Variants in OR1F1 observed in about 807,000 individuals in gnomAD.
OR1F1 encodes olfactory receptor family 1 subfamily F member 1.
For synonymous variants in OR1F1, 184 were observed against 156.7 expected (o/e 1.17, Z -1.30); for missense variants, 493 against 376.3 (o/e 1.31, Z -2.57).
the OR1F1 span, among the ~76,000 whole-genome samples, chr16:3,198,318 G>A: frequency 1.3e-5 from 2 of 152,136 alleles, no homozygotes; most frequent in African/African-American, 2.4e-5. Flanking sequence ...CCCAGGAAGA[G>A]CGGGTGTTTT....
At chr16:3,192,803 G>C in the OR1F1 span, among the ~76,000 whole-genome samples, 1 of 152,168 alleles carries the variant, frequency 6.6e-6, no homozygotes, top group African/African-American at 2.4e-5. Flanking sequence ...TGCGGCCCGG[G>C]AGGCTGCTAA....
chr16:3,191,508 T>G, the OR1F1 span, among the ~76,000 whole-genome samples: 3 of 152,170 alleles, frequency 2.0e-5, no homozygotes, highest in Admixed American at 6.5e-5. Context: ...GAAGCCCGGC[T>G]AGCTCAGTCG....
At chr16:3,191,865 G>A in the OR1F1 span, among the ~76,000 whole-genome samples, 4 of 152,254 alleles carry the variant, frequency 2.6e-5, no homozygotes, top group Non-Finnish European at 2.9e-5. Flanking sequence ...GAGGGGCCGG[G>A]GCGCTGGCCC....
the OR1F1 span, among the ~76,000 whole-genome samples, chr16:3,197,318 C>G: frequency 6.6e-6 from 1 of 152,046 alleles, no homozygotes; most frequent in Admixed American, 6.6e-5. Flanking sequence ...TGTGCCCAGC[C>G]CAAAACTAAT....
At chr16:3,194,931 C>T in the OR1F1 span, among the ~76,000 whole-genome samples, 1 of 152,210 alleles carries the variant, frequency 6.6e-6, no homozygotes, top group African/African-American at 2.4e-5. Flanking sequence ...TCTGTGACTT[C>T]TGATAGTGAC....
the OR1F1 span, among the ~76,000 whole-genome samples, chr16:3,188,793 G>A: frequency 6.6e-6 from 1 of 152,244 alleles, no homozygotes; most frequent in Non-Finnish European, 1.5e-5. Context: ...CAGAGTGACA[G>A]TAAAGGGTGC....
chr16:3,203,508 G>T (rs1352134941), upstream of OR1F1, among the ~76,000 whole-genome samples: 1 of 152,226 alleles, frequency 6.6e-6, no homozygotes, highest in Non-Finnish European at 1.5e-5. Context: ...GCTCACGCCT[G>T]TAATCCCAGC....
exon 1 of OR1F1, chr16:3,204,345 C>G: frequency 6.2e-7 from 1 of 1,614,120 alleles, no homozygotes; most frequent in Non-Finnish European, 8.5e-7. Context: ...TCTTCCTCAG[C>G]ATGTACCTGG....
At chr16:3,199,299 C>A (rs751124046), upstream of OR1F1, among the ~76,000 whole-genome samples, 2 of 151,220 alleles carry the variant, frequency 1.3e-5, no homozygotes. Flanking sequence ...GGAGACCCTA[C>A]CTGAAATAAT....
chr16:3,202,771 A>G (rs770462222), upstream of OR1F1, among the ~76,000 whole-genome samples: 8 of 151,842 alleles, frequency 5.3e-5, no homozygotes, highest in African/African-American at 7.2e-5. Context: ...TGATGAGGTT[A>G]AGAGTCACGA....
At chr16:3,200,697 G>A (rs923155571), upstream of OR1F1, among the ~76,000 whole-genome samples, 1 of 152,180 alleles carries the variant, frequency 6.6e-6, no homozygotes, top group African/African-American at 2.4e-5. Context: ...TCTACAGAAG[G>A]GAAAGTACCT....
chr16:3,198,103 AGGAGAG>A, the OR1F1 span, among the ~76,000 whole-genome samples: 1 of 46,262 alleles, frequency 2.2e-5, no homozygotes, highest in South Asian at 8.9e-4. Context: ...GAGAGGGAGA[AGGAGAG>A]GGAGAAGGAG....
the OR1F1 span, among the ~76,000 whole-genome samples, chr16:3,193,330 C>G: frequency 1.3e-5 from 2 of 152,224 alleles, no homozygotes; most frequent in African/African-American, 4.8e-5. Flanking sequence ...GCTTCACCGA[C>G]GCACCCAGCC....
At chr16:3,197,175 A>AT in the OR1F1 span, among the ~76,000 whole-genome samples, 2,806 of 136,080 alleles carry the variant, frequency 0.021, 32 homozygotes, top group East Asian at 0.038. Flanking sequence ...CACACCTGGC[A>AT]TTTTTTTTTT....
At chr16:3,190,829 T>G in the OR1F1 span, among the ~76,000 whole-genome samples, 1 of 150,698 alleles carries the variant, frequency 6.6e-6, no homozygotes, top group African/African-American at 2.4e-5. Context: ...GAAACAAAAT[T>G]GCAAACATTT....
At chr16:3,203,604 A>G (rs910082337), upstream of OR1F1, among the ~76,000 whole-genome samples, 3 of 152,192 alleles carry the variant, frequency 2.0e-5, no homozygotes, top group African/African-American at 7.2e-5. Flanking sequence ...TCTCTACTAA[A>G]AATACAAAAA....
chr16:3,190,499 C>T, the OR1F1 span, among the ~76,000 whole-genome samples: 31 of 152,164 alleles, frequency 2.0e-4, no homozygotes, highest in African/African-American at 7.5e-4. Context: ...GCCTGCAATC[C>T]CAGCACTTTG....
At chr16:3,194,092 G>A in the OR1F1 span, among the ~76,000 whole-genome samples, 1 of 152,114 alleles carries the variant, frequency 6.6e-6, no homozygotes, top group Non-Finnish European at 1.5e-5. Flanking sequence ...AGAATAAGAA[G>A]AAACGGCATG....
the OR1F1 span, among the ~76,000 whole-genome samples, chr16:3,194,016 G>A: frequency 1.3e-5 from 2 of 152,122 alleles, no homozygotes; most frequent in Non-Finnish European, 2.9e-5. Flanking sequence ...TAGGTGACTT[G>A]GGGTAAGGTA....
Sources: gnomAD v4.1 joint callset for allele counts (sites outside exome capture counted in the v4.1 genomes callset) on GRCh38, gnomAD v4.1.1 for gene constraint, MANE v1.5 for transcripts, NCBI Gene and HGNC (gene_info 2026-07-23, HGNC 2026-07-21) for gene names.